The following STRN4 variants were observed in gnomAD, a reference collection of about 807,000 sequenced individuals.
STRN4 encodes the protein striatin 4, also known as striatin-4.
In STRN4, 27 loss-of-function variants were observed where a neutral mutation model predicts 77.9. That is an observed-to-expected ratio of 0.35 (90% CI 0.26 to 0.48). The LOEUF (loss-of-function observed/expected upper bound fraction) is 0.48, where lower values mean the gene tolerates loss of function less well. Ranked by LOEUF, STRN4 falls within the 20% of genes least tolerant of loss-of-function variation. The pLI is 0.99. For missense variants in STRN4, 798 were observed against 1,049.7 expected (o/e 0.76, Z 3.31); for synonymous variants, 466 against 443.1 (o/e 1.05, Z -0.65).
chr19:46,740,163 C>T (rs1239542045), intron 1 of STRN4: 1 of 152,258 alleles, frequency 6.6e-6, no homozygotes, highest in Non-Finnish European at 1.5e-5. Context: ...GTGGTACACA[C>T]CTGTAGTCCC....
rs2054609958 is a variant in STRN4, at chr19:46,746,278, T to TC, written c.152dup (p.Gly52ArgfsTer83). 1 of 1,446,110 alleles carries TC rather than the reference T, an allele frequency of 6.9e-7. No homozygotes were observed. Among genetic ancestry groups the TC allele is most frequent in the Non-Finnish European group, 9.1e-7 (1 of 1,102,134 alleles). The allele number at this position is 1,446,110 out of a possible 1,614,324, so 89.6% of individuals were successfully genotyped here. On this transcript the variant is annotated frameshift_variant, in exon 1 of 18. Coordinates refer to ENST00000263280, the MANE Select transcript of STRN4 (RefSeq NM_013403.3). LOFTEE classifies it high-confidence loss of function. The stretch of plus-strand genomic sequence containing the variant: ...GGCCCGCCGTGGGCCCGGGGCTGCC[T>TC]CCGCCGCCGCCTCCCTTACCTGCCG...
intron 16 of STRN4, 171 bp from the exon 17 acceptor site, chr19:46,720,942 T>TC: frequency 1.6e-6 from 1 of 612,222 alleles, no homozygotes. Context: ...AGAACCCTGG[T>TC]CCCCTCCTGT....
At position 46,733,170 on chromosome 19, in the gene STRN4, C is replaced by T; in HGVS notation, c.606G>A (p.Leu202=). ...LDMRSKRVRS[L]LGRSLELNGA... is the part of the protein sequence containing the mutation. ...CGTTGAGCTCCAGCGAGCGGCCCAGCAGGGAACGGACGCGCTTGGACCGCA... is the reference window on the plus strand; with the variant it reads ...CGTTGAGCTCCAGCGAGCGGCCCAGTAGGGAACGGACGCGCTTGGACCGCA... The change falls in exon 5 of 18, where the codon CTG becomes CTA. Residue 202 remains leucine (L), a synonymous_variant. Coordinates refer to ENST00000263280, the MANE Select transcript of STRN4 (RefSeq NM_013403.3). This position sits in a 1 kb window ranked among gnomAD's most constrained non-coding sequence, Gnocchi z 4.3. 1 of 1,611,738 alleles carries T rather than the reference C, an allele frequency of 6.2e-7. No individual in the cohort carries two copies.
Position 46,733,351 on chromosome 19 carries a change from A to C in STRN4, c.540-115T>G. On this transcript the variant is annotated intron_variant, in intron 4 of 17. Transcript: ENST00000263280. This position sits in a 1 kb window ranked among gnomAD's most constrained non-coding sequence, Gnocchi z 4.3. ...GGGGCCACTTAAGAGCATACACCAA[A>C]ATCTGACATAAGCACACCCTCGCTC... 1.1e-6 allele frequency: 1 copy of C among 946,016 alleles called. No homozygotes were observed. Among genetic ancestry groups the C allele is most frequent in the Non-Finnish European group, 1.6e-6 (1 of 632,196 alleles). The allele number at this position is 946,016 out of a possible 1,614,324, so 58.6% of individuals were successfully genotyped here. A position where few individuals can be genotyped will look rare whatever the true frequency, so the allele number is the denominator to read the frequency against.
Position 46,744,889 on chromosome 19 carries a change from C to T in STRN4, c.282+1260G>A, listed in dbSNP as rs548595027. On this transcript the variant is annotated intron_variant, in intron 1 of 17. Coordinates refer to ENST00000263280, the MANE Select transcript of STRN4 (RefSeq NM_013403.3). Reference sequence around the variant, plus strand: ...CCGGACATCTCCATGGTCCTCCAGTCACTGCCAATGGACCTGACGCTCCAC... The same window carrying T: ...CCGGACATCTCCATGGTCCTCCAGTTACTGCCAATGGACCTGACGCTCCAC... 3.9e-5 allele frequency among the ~76,000 whole-genome samples: 6 copies of T among 152,188 alleles called. No homozygotes were observed. The South Asian group carries it at 1.2e-3, about 32-fold the overall frequency.
chr19:46,728,386 A>C, intron 7 of STRN4: 2 of 629,548 alleles, frequency 3.2e-6, no homozygotes, highest in Non-Finnish European at 2.7e-6. Flanking sequence ...TGGCGGCCCC[A>C]CTTCAGGAAG....
chr19:46,738,993 G>A lies in STRN4; in HGVS notation c.283-105C>T, dbSNP rs1251810222. The A allele has an allele frequency of 1.2e-5, 11 of 907,894 alleles. No homozygotes were observed. The highest frequency in any genetic ancestry group is 1.9e-5 in the Non-Finnish European group (11 of 568,876). 56.2% of individuals were successfully genotyped at this position (907,894 alleles called of 1,614,324 possible). A position where few individuals can be genotyped will look rare whatever the true frequency, so the allele number is the denominator to read the frequency against. The stretch of plus-strand genomic sequence containing the variant: ...AGTGCCAGCCCACAGTCACCCCACA[G>A]TAATGGGCAGCAGCCACTTCCTCAG... On this transcript the variant is annotated intron_variant, in intron 1 of 17. Transcript: ENST00000263280. The surrounding 1 kb of genome is among the most constrained non-coding windows in gnomAD (Gnocchi z 4.5).
chr19:46,744,292 A>G (rs1243842951), intron 1 of STRN4, among the ~76,000 whole-genome samples: 1 of 152,228 alleles, frequency 6.6e-6, no homozygotes, highest in Non-Finnish European at 1.5e-5. Flanking sequence ...GAGCAGTTAC[A>G]TAAGGATTCT....
In STRN4 at chr19:46,746,256, C is replaced by A. The variant is rs770056978; in HGVS notation, c.175G>T (p.Gly59Cys). 15 of 1,494,590 alleles carry A rather than the reference C, an allele frequency of 1.0e-5. No individual in the cohort carries two copies. The highest frequency in any genetic ancestry group is 1.3e-5 in the Non-Finnish European group (15 of 1,129,360). 92.6% of individuals were successfully genotyped at this position (1,494,590 alleles called of 1,614,324 possible). ...GGGGSPGPTA[G>C]PEPLSLPGIL... is the part of the protein sequence containing the mutation. ...CCCGGCAGGCTCAGGGGCTCCGGGC[C>A]CGCCGTGGGCCCGGGGCTGCCTCCG... The change falls in exon 1 of 18, where the codon GGC (glycine) becomes TGC (cysteine). Residue 59 changes from glycine (G) to cysteine (C), a missense_variant. Around this residue, in one of 2 missense-constraint regions of STRN4, gnomAD observed 511 missense variants for 575.9 expected, o/e 0.89. Coordinates refer to ENST00000263280, the MANE Select transcript of STRN4 (RefSeq NM_013403.3).
rs2054592600 is a variant in STRN4 at position 46,746,094 on chromosome 19, A to G, written c.282+55T>C. On this transcript the variant is annotated intron_variant, in intron 1 of 17. Transcript: ENST00000263280. Reference sequence around the variant, plus strand: ...ATGGCGGCGGCGGCGGCAGCGGGTGAGGCCGGGCCGGGCCGGGCCGGGTTG... The same window carrying G: ...ATGGCGGCGGCGGCGGCAGCGGGTGGGGCCGGGCCGGGCCGGGCCGGGTTG... The G allele has an allele frequency of 5.6e-6, 7 of 1,244,332 alleles. No individual in the cohort carries two copies. Among genetic ancestry groups the G allele is most frequent in the Non-Finnish European group, 5.1e-6 (5 of 985,856 alleles). The allele number at this position is 1,244,332 out of a possible 1,614,324, so 77.1% of individuals were successfully genotyped here.
chr19:46,731,010 G>A, intron 5 of STRN4, 137 bp from the exon 6 acceptor site: 1 of 1,208,866 alleles, frequency 8.3e-7, no homozygotes, highest in Non-Finnish European at 1.1e-6. Flanking sequence ...CTTGACTCTG[G>A]TCACACACAG....
At chr19:46,728,545 C>T (rs566590566) in intron 7 of STRN4, 73 bp downstream of exon 7, 30 of 1,536,204 alleles carry the variant, frequency 2.0e-5, no homozygotes, top group Middle Eastern at 1.8e-4. Flanking sequence ...GAAGCAGCTG[C>T]GGGCAGCTGA....
chr19:46,725,760 G>C, intron 9 of STRN4, 112 bp from the exon 10 acceptor site: 1 of 1,374,836 alleles, frequency 7.3e-7, no homozygotes, highest in Non-Finnish European at 9.9e-7. Context: ...ACCCTGGCAG[G>C]AATGCCCTCA....
At position 46,733,319 on chromosome 19, in the gene STRN4, C is replaced by T; in HGVS notation, c.540-83G>A. The T allele has an allele frequency of 7.2e-7, 1 of 1,398,268 alleles. No homozygotes were observed. Among genetic ancestry groups the T allele is most frequent in the African/African-American group, 1.4e-5 (1 of 70,486 alleles). The allele number at this position is 1,398,268 out of a possible 1,614,324, so 86.6% of individuals were successfully genotyped here. ...AGGGGCCAATGCAAACCGAGACAAC[C>T]TCTTAAGGGGCCACTTAAGAGCATA... On this transcript the variant is annotated intron_variant, in intron 4 of 17. Transcript: ENST00000263280. This position sits in a 1 kb window ranked among gnomAD's most constrained non-coding sequence, Gnocchi z 4.3.
At position 46,722,008 on chromosome 19, in the gene STRN4, G is replaced by A. The variant is rs77372167; in HGVS notation, c.2070C>T (p.Asn690=). 4.5e-3 allele frequency: 7,191 copies of A among 1,613,754 alleles called. 153 individuals carry two copies. The East Asian group carries it at 0.051, about 11-fold the overall frequency. The change falls in exon 16 of 18, where the codon AAC becomes AAT. Residue 690 remains asparagine (N), a synonymous_variant. Transcript: ENST00000263280. ...DAVTCLAVDP[N]GAFLMSGSHD... ...TACTTCCTGACATCAGGAATGCGCC[G>A]TTGGGGTCCACGGCTAGGCAGGTGA... is the stretch of plus-strand genomic sequence containing the variant.
rs751627785 is a variant in STRN4, at chr19:46,722,891, A to C, written c.1825T>G (p.Ser609Ala). Residue 609 changes from serine to alanine, a missense_variant, in exon 14 of 18, where the codon TCC (serine) becomes GCC (alanine). Ser to Ala is a moderately conservative substitution (Grantham distance 99, BLOSUM62 1). Coordinates refer to ENST00000263280, the MANE Select transcript of STRN4 (RefSeq NM_013403.3). ...TSTEPAHIVASFRSGDTVLYD... is the reference protein window; with the variant it reads ...TSTEPAHIVAAFRSGDTVLYD... Reference sequence around the variant, plus strand: ...AAGACGGTGTCGCCAGAGCGGAAGGAGGCCACGATGTGGGCAGGCTCGGTG... The same window carrying C: ...AAGACGGTGTCGCCAGAGCGGAAGGCGGCCACGATGTGGGCAGGCTCGGTG... 5.6e-6 allele frequency: 9 copies of C among 1,613,892 alleles called. No individual in the cohort carries two copies. Among genetic ancestry groups the C allele is most frequent in the African/African-American group, 2.7e-5 (2 of 74,950 alleles).
In STRN4 at chr19:46,728,787, G is replaced by A. The variant is rs1012869196; in HGVS notation, c.880-10C>T. The A allele has an allele frequency of 1.2e-6, 2 of 1,613,790 alleles. No individual in the cohort carries two copies. The highest frequency in any genetic ancestry group is 1.1e-5 in the South Asian group (1 of 91,074). On this transcript the variant is annotated splice_polypyrimidine_tract_variant and intron_variant, in intron 6 of 17. Transcript: ENST00000263280. ...GAGCCTTGGATGGGAGCTGGCACAT[G>A]GAGAAAGCCAGACAAGTCAGGGGGC...
At position 46,741,606 on chromosome 19, in the gene STRN4, C is replaced by T. The variant is rs984116818; in HGVS notation, c.283-2718G>A. ...GGGTCGGTCGGGGATCTGGAAGTGC[C>T]GCTCACCATATCCACCCACTGCCAC... On this transcript the variant is annotated intron_variant, in intron 1 of 17. Coordinates refer to ENST00000263280, the MANE Select transcript of STRN4 (RefSeq NM_013403.3). This position sits in a 1 kb window ranked among gnomAD's most constrained non-coding sequence, Gnocchi z 4.9. Among the ~76,000 whole-genome samples, 3 of 152,282 alleles carry T rather than the reference C, an allele frequency of 2.0e-5. No individual in the cohort carries two copies. The highest frequency in any genetic ancestry group is 7.2e-5 in the African/African-American group (3 of 41,574).
Position 46,723,327 on chromosome 19 carries a change from C to A in STRN4, c.1595-43G>T. On this transcript the variant is annotated intron_variant, in intron 12 of 17. Coordinates refer to ENST00000263280, the MANE Select transcript of STRN4 (RefSeq NM_013403.3). The surrounding 1 kb of genome is among the most constrained non-coding windows in gnomAD (Gnocchi z 5.5). ...AGGAAATGGGCTGTGTCAGGGCTGCCAGCTCCTCCCTGGACAGCCCAGAGC... is the reference window on the plus strand; with the variant it reads ...AGGAAATGGGCTGTGTCAGGGCTGCAAGCTCCTCCCTGGACAGCCCAGAGC... 6.6e-7 allele frequency: 1 copy of A among 1,510,894 alleles called. No homozygotes were observed. The highest frequency in any genetic ancestry group is 8.9e-7 in the Non-Finnish European group (1 of 1,129,596). 93.6% of individuals were successfully genotyped at this position (1,510,894 alleles called of 1,614,324 possible).
Sources: allele counts gnomAD v4.1 joint callset (sites outside exome capture counted in the v4.1 genomes callset), GRCh38; gene constraint gnomAD v4.1.1; regional missense constraint gnomAD v4.1.1; non-coding constraint Gnocchi (gnomAD v3.1); transcripts MANE v1.5; gene names NCBI Gene and HGNC (gene_info 2026-07-23, HGNC 2026-07-21).